The following CSMD3 variants were observed in gnomAD, a reference collection of about 807,000 sequenced individuals.
The protein encoded by CSMD3 is CUB and Sushi multiple domains 3.
A neutral mutation model predicts 435.2 loss-of-function variants in CSMD3; 177 were observed. The ratio of observed to expected loss-of-function variants is 0.41; its 90% CI spans 0.36 to 0.46. The LOEUF (loss-of-function observed/expected upper bound fraction) is 0.46. CSMD3 is among the 20% of genes least tolerant of loss of function. The pLI, the probability that CSMD3 is intolerant of heterozygous loss-of-function variation, is 0.34. For missense variants in CSMD3, 4,265 were observed against 4,504.6 expected, an observed-to-expected ratio of 0.95 and a Z score of 1.52; for synonymous variants, 1,656 against 1,520.5, an observed-to-expected ratio of 1.09 and a Z score of -2.07.
chr8:112,479,698 A>C (rs1859398860), intron 31 of CSMD3, among the ~76,000 whole-genome samples: 1 of 152,196 alleles, frequency 6.6e-6, no homozygotes, highest in African/African-American at 2.4e-5. Flanking sequence ...ACATGGTGTT[A>C]GGTCTGCAGA....
At chr8:112,592,503 A>G (rs1473767950) in intron 22 of CSMD3, among the ~76,000 whole-genome samples, 3 of 152,008 alleles carry the variant, frequency 2.0e-5, no homozygotes, top group Non-Finnish European at 4.4e-5. Context: ...TTCCCCTTAA[A>G]CATTTGTTTT....
chr8:113,305,131 T>C (rs1466330815), intron 2 of CSMD3, among the ~76,000 whole-genome samples: 1 of 122,174 alleles, frequency 8.2e-6, no homozygotes, highest in African/African-American at 3.1e-5. Flanking sequence ...AAGGGGAACA[T>C]CATACTCTGG....
At chr8:112,257,243 T>C (rs1815897810) in intron 61 of CSMD3, among the ~76,000 whole-genome samples, 1 of 152,094 alleles carries the variant, frequency 6.6e-6, no homozygotes, top group South Asian at 2.1e-4. Context: ...AACCAAATGC[T>C]GGCTAAATAT....
chr8:112,416,207 T>A (rs981633119), intron 32 of CSMD3, among the ~76,000 whole-genome samples: 2 of 152,172 alleles, frequency 1.3e-5, no homozygotes, highest in African/African-American at 4.8e-5. Flanking sequence ...TGAGGGTGGT[T>A]TCCCCATAGC....
intron 45 of CSMD3, 65 bp downstream of exon 45, chr8:112,335,264 T>C: frequency 7.6e-6 from 11 of 1,452,966 alleles, no homozygotes; most frequent in Non-Finnish European, 1.1e-5. Flanking sequence ...ATATATTACA[T>C]TCACTTTTTT....
chr8:112,819,582 C>A (rs548005510), intron 12 of CSMD3, among the ~76,000 whole-genome samples: 36 of 152,200 alleles, frequency 2.4e-4, no homozygotes, highest in African/African-American at 7.7e-4. Flanking sequence ...TGGGCCCAAG[C>A]CAAGTTCTGT....
At chr8:113,394,221 A>G (rs1214348334) in intron 1 of CSMD3, among the ~76,000 whole-genome samples, 1 of 151,792 alleles carries the variant, frequency 6.6e-6, no homozygotes, top group Non-Finnish European at 1.5e-5. Context: ...ATACTTGGGA[A>G]ATTCTGAGTT....
At chr8:112,510,978 T>C (rs1314155414) in intron 28 of CSMD3, among the ~76,000 whole-genome samples, 3 of 152,244 alleles carry the variant, frequency 2.0e-5, no homozygotes, top group African/African-American at 7.2e-5. Context: ...CAACATATTT[T>C]ACCTTTGGGG....
At chr8:112,337,419 T>C (rs912472133) in intron 43 of CSMD3, 124 bp downstream of exon 43, 4 of 780,596 alleles carry the variant, frequency 5.1e-6, no homozygotes, top group Non-Finnish European at 6.6e-6. Flanking sequence ...GTTTAAAAAA[T>C]ATCTTCAGCT....
chr8:112,406,851 T>G, intron 34 of CSMD3, 124 bp from the exon 35 acceptor site: 1 of 515,438 alleles, frequency 1.9e-6, no homozygotes, highest in Non-Finnish European at 3.4e-6. Context: ...ATTAACAATT[T>G]GAATACATTC....
At chr8:112,949,726 CTTA>C (rs2083742825) in intron 8 of CSMD3, among the ~76,000 whole-genome samples, 1 of 151,976 alleles carries the variant, frequency 6.6e-6, no homozygotes, top group African/African-American at 2.4e-5. Context: ...AAACACAGTT[CTTA>C]TTACTGCTCA....
At chr8:112,352,301 C>G in intron 39 of CSMD3, 115 bp downstream of exon 39, 4 of 1,509,020 alleles carry the variant, frequency 2.7e-6, no homozygotes, top group Non-Finnish European at 2.7e-6. Context: ...ACCCTTTTGA[C>G]CTCAGACACA....
chr8:113,252,918 G>A (rs1264109366), intron 3 of CSMD3, among the ~76,000 whole-genome samples: 1 of 152,124 alleles, frequency 6.6e-6, no homozygotes, highest in African/African-American at 2.4e-5. Flanking sequence ...ACAGACACTA[G>A]AAAAGGCATT....
At chr8:113,402,888 G>C (rs1194605419) in intron 1 of CSMD3, among the ~76,000 whole-genome samples, 1 of 151,254 alleles carries the variant, frequency 6.6e-6, no homozygotes, top group Non-Finnish European at 1.5e-5. Flanking sequence ...TTAAGTAGAT[G>C]ATTTATTTTT....
intron 32 of CSMD3, among the ~76,000 whole-genome samples, chr8:112,413,979 T>G (rs1436710543): frequency 1.3e-5 from 2 of 152,284 alleles, no homozygotes; most frequent in South Asian, 2.1e-4. Context: ...CTGTTCACCC[T>G]GGTTTGCTTT....
rs2056425 is a variant in CSMD3, at chr8:112,492,694, G to T, written c.5084-11C>A. The T allele has an allele frequency of 3.3e-3, 5,267 of 1,608,846 alleles. 154 individuals are homozygous for T. The African/African-American group carries it at 0.061, about 19-fold the overall frequency. On this transcript the variant is annotated splice_polypyrimidine_tract_variant and intron_variant, in intron 30 of 70. Transcript: ENST00000297405. ...ACTCTCGCAGTTTTGCTGTAAAACA[G>T]TGTTAGTATAACATTAATTGCTTTA...
At position 113,276,055 on chromosome 8, in the gene CSMD3, A is replaced by G. The variant is rs1001731039; in HGVS notation, c.514+2537T>C. 3.3e-5 allele frequency among the ~76,000 whole-genome samples: 5 copies of G among 152,064 alleles called. No homozygotes were observed. In the East Asian group the frequency reaches 9.6e-4, roughly 29 times the overall value. ...TCACAATATGCCAGTTGGCCCTGGC[A>G]GTATCACTGGCTACAGTTAAATATA... is the stretch of plus-strand genomic sequence containing the variant. On this transcript the variant is annotated intron_variant, in intron 3 of 70. Transcript: ENST00000297405.
chr8:112,672,168 T>C (rs1472762477), intron 16 of CSMD3, among the ~76,000 whole-genome samples: 1 of 151,980 alleles, frequency 6.6e-6, no homozygotes, highest in Non-Finnish European at 1.5e-5. Context: ...GGAAAGAGTC[T>C]GGGTAGGAGA....
chr8:113,189,334 T>C (rs747932413), intron 3 of CSMD3, among the ~76,000 whole-genome samples: 3 of 151,766 alleles, frequency 2.0e-5, no homozygotes, highest in Admixed American at 1.3e-4. Flanking sequence ...CCTCATTCTA[T>C]ACTGTCAGAC....
Sources: gnomAD v4.1 joint callset for allele counts (sites outside exome capture counted in the v4.1 genomes callset) on GRCh38, gnomAD v4.1.1 for gene constraint, MANE v1.5 for transcripts, NCBI Gene and HGNC (gene_info 2026-07-23, HGNC 2026-07-21) for gene names.